ARHGAP26: variants seen among roughly 807,000 people sequenced by gnomAD.
The protein encoded by ARHGAP26 is rho GTPase-activating protein 26.
In ARHGAP26, 38 loss-of-function variants were observed where a neutral mutation model predicts 104.8. The observed-to-expected ratio is 0.36, with a 90% confidence interval of 0.28 to 0.48. The LOEUF is 0.48. ARHGAP26 is among the 20% of genes least tolerant of loss of function. The pLI is 0.99. For missense variants in ARHGAP26, 704 were observed against 947.9 expected, an observed-to-expected ratio of 0.74 and a Z score of 3.38; for synonymous variants, 341 against 340.0, an observed-to-expected ratio of 1.00 and a Z score of -0.03.
At chr5:142,995,157 T>G (rs1393629757) in intron 11 of ARHGAP26, among the ~76,000 whole-genome samples, 1 of 152,178 alleles carries the variant, frequency 6.6e-6, no homozygotes, top group African/African-American at 2.4e-5. Context: ...AAAGCAAAAT[T>G]GGCAAATGGG....
At chr5:142,955,886 T>A (rs1200119660) in intron 11 of ARHGAP26, among the ~76,000 whole-genome samples, 1 of 152,220 alleles carries the variant, frequency 6.6e-6, no homozygotes, top group Non-Finnish European at 1.5e-5. Flanking sequence ...TTGTGAAGCT[T>A]TATGCTTACT....
At chr5:142,825,761 C>T (rs1219517118) in intron 1 of ARHGAP26, among the ~76,000 whole-genome samples, 1 of 152,164 alleles carries the variant, frequency 6.6e-6, no homozygotes. Flanking sequence ...TCTAAAAAGG[C>T]TTTTCTGTCC....
In ARHGAP26 at chr5:142,890,136, T is replaced by TAAAAA. The variant is rs1162535877; in HGVS notation, c.487-4090_487-4086dup. Among the ~76,000 whole-genome samples the TAAAAA allele has an allele frequency of 1.8e-3, 52 of 29,168 alleles. 3 individuals carry two copies. Among genetic ancestry groups the TAAAAA allele is most frequent in the African/African-American group, 3.4e-3 (19 of 5,602 alleles). The allele number at this position is 29,168 out of a possible 152,430, so 19.1% of individuals were successfully genotyped here. On this transcript the variant is annotated intron_variant, in intron 5 of 22. Coordinates refer to ENST00000645722, the MANE Select transcript of ARHGAP26 (RefSeq NM_001135608.3). ...GGGTAACAAGAGCGAAACTCCGTCT[T>TAAAAA]AAAAAAAAAAAAAAAATATATATAT... is the stretch of plus-strand genomic sequence containing the variant.
chr5:142,811,700 G>T (rs1186191702), intron 1 of ARHGAP26, among the ~76,000 whole-genome samples: 1 of 152,050 alleles, frequency 6.6e-6, no homozygotes, highest in Non-Finnish European at 1.5e-5. Context: ...AAGTTTAAGT[G>T]AGCCAATGCA....
At chr5:142,863,927 G>C (rs1402130841) in intron 1 of ARHGAP26, among the ~76,000 whole-genome samples, 1 of 152,124 alleles carries the variant, frequency 6.6e-6, no homozygotes, top group Non-Finnish European at 1.5e-5. Flanking sequence ...CTGCGCACCT[G>C]CTTGGTGTTG....
intron 19 of ARHGAP26, among the ~76,000 whole-genome samples, chr5:143,144,349 C>A (rs906094277): frequency 1.3e-5 from 2 of 152,150 alleles, no homozygotes; most frequent in Non-Finnish European, 2.9e-5. Context: ...ATTTGCCTAG[C>A]TGATGAAAAA....
intron 10 of ARHGAP26, chr5:142,921,888 C>G (rs1763245183): frequency 6.6e-6 from 1 of 152,144 alleles, no homozygotes; most frequent in Non-Finnish European, 1.5e-5. Context: ...ACCCTAAAAC[C>G]TGGGGCTTTA....
chr5:143,007,650 T>C (rs1778182610), intron 11 of ARHGAP26, among the ~76,000 whole-genome samples: 2 of 152,222 alleles, frequency 1.3e-5, no homozygotes, highest in South Asian at 2.1e-4. Context: ...TTTGCTAGTA[T>C]GTAACCTTTG....
intron 6 of ARHGAP26, among the ~76,000 whole-genome samples, chr5:142,899,299 C>G (rs996458511): frequency 6.6e-5 from 10 of 152,180 alleles, no homozygotes; most frequent in Admixed American, 5.2e-4. Context: ...TAAAGTAGGT[C>G]TGTTCTATGA....
At chr5:143,009,138 T>C (rs1287460147) in intron 11 of ARHGAP26, among the ~76,000 whole-genome samples, 1 of 152,112 alleles carries the variant, frequency 6.6e-6, no homozygotes, top group Non-Finnish European at 1.5e-5. Flanking sequence ...GTGTTACTTC[T>C]ATACTAGATG....
chr5:143,183,092 G>GA lies in ARHGAP26; in HGVS notation c.1989-24097dup, dbSNP rs1315346019. ...AAGTGGCAAAAAAAAAAAAAAAAAA[G>GA]AAAAAAAAACCTCATTTCCTTTCCT... On this transcript the variant is annotated intron_variant, in intron 20 of 22. Coordinates refer to ENST00000645722, the MANE Select transcript of ARHGAP26 (RefSeq NM_001135608.3). Among the ~76,000 whole-genome samples, 549 of 123,728 alleles carry GA rather than the reference G, an allele frequency of 4.4e-3. 3 individuals are homozygous for GA. Among genetic ancestry groups the GA allele is most frequent in the South Asian group, 0.019 (71 of 3,742 alleles). The allele number at this position is 123,728 out of a possible 152,430, so 81.2% of individuals were successfully genotyped here.
intron 22 of ARHGAP26, among the ~76,000 whole-genome samples, chr5:143,215,559 TAATTCCAG>T (rs1810211152): frequency 6.6e-6 from 1 of 152,200 alleles, no homozygotes; most frequent in Admixed American, 6.5e-5. Context: ...TGCCACTATA[TAATTCCAG>T]AATATTTTCA....
chr5:143,166,222 G>A, intron 20 of ARHGAP26: 1 of 587,884 alleles, frequency 1.7e-6, no homozygotes, highest in Admixed American at 5.2e-5. Context: ...AAAGCTCTCT[G>A]AGTAGCCGGA....
intron 1 of ARHGAP26, among the ~76,000 whole-genome samples, chr5:142,856,468 T>G (rs1267649452): frequency 6.6e-6 from 1 of 152,186 alleles, no homozygotes; most frequent in African/African-American, 2.4e-5. Context: ...CTTTTTTCGT[T>G]GTGGCAGAAC....
chr5:143,022,601 C>T (rs1053764518), intron 12 of ARHGAP26, among the ~76,000 whole-genome samples: 2 of 152,118 alleles, frequency 1.3e-5, no homozygotes, highest in Non-Finnish European at 2.9e-5. Context: ...AGTTTATTAA[C>T]CCTTGGCTTA....
intron 22 of ARHGAP26, among the ~76,000 whole-genome samples, chr5:143,221,943 A>AGGAAGGAAGGAAGGAT (rs1811212480): frequency 6.6e-6 from 1 of 151,464 alleles, no homozygotes; most frequent in Non-Finnish European, 1.5e-5. Context: ...GAAGGAAGGA[A>AGGAAGGAAGGAAGGAT]GGAAGGATGG....
chr5:143,178,925 A>G (rs1455428322), intron 20 of ARHGAP26, among the ~76,000 whole-genome samples: 5 of 151,530 alleles, frequency 3.3e-5, no homozygotes, highest in Admixed American at 6.6e-5. Flanking sequence ...GGTGGAGTGC[A>G]GTGATGCAAT....
At chr5:142,772,089 A>C (rs1053810273) in intron 1 of ARHGAP26, among the ~76,000 whole-genome samples, 6 of 152,222 alleles carry the variant, frequency 3.9e-5, no homozygotes, top group Non-Finnish European at 1.5e-5. Flanking sequence ...TTAGCAGAGT[A>C]GAGTCGTAGC....
intron 1 of ARHGAP26, among the ~76,000 whole-genome samples, chr5:142,835,907 AG>A (rs771294515): frequency 3.9e-5 from 6 of 152,224 alleles, no homozygotes; most frequent in Non-Finnish European, 8.8e-5. Context: ...AAACCCTCTA[AG>A]ATTAGTTTTA....
Sources: allele counts gnomAD v4.1 joint callset (sites outside exome capture counted in the v4.1 genomes callset), GRCh38; gene constraint gnomAD v4.1.1; transcripts MANE v1.5; gene names NCBI Gene and HGNC (gene_info 2026-07-23, HGNC 2026-07-21).